NUP85: variants seen among roughly 807,000 people sequenced by gnomAD.
NUP85 encodes nuclear pore complex protein Nup85.
Under a neutral mutation model 92.8 loss-of-function variants are expected in NUP85, and 23 were observed. The observed-to-expected ratio is 0.25, with a 90% CI of 0.18 to 0.35. The LOEUF is 0.35. Ranked by LOEUF, NUP85 falls within the 10% of genes least tolerant of loss-of-function variation. The pLI is 1.00. For missense variants in NUP85, 759 were observed against 822.8 expected (o/e 0.92, Z 0.95); for synonymous variants, 314 against 306.9 (o/e 1.02, Z -0.24).
At chr17:75,235,324 A>G in intron 18 of NUP85, 123 bp downstream of exon 18, 1 of 677,102 alleles carries the variant, frequency 1.5e-6, no homozygotes, top group Non-Finnish European at 2.5e-6. Context: ...TGTTCCCCTT[A>G]ACCTGTGTAA....
At chr17:75,208,228 G>A (rs1286082182) in intron 1 of NUP85, 9 of 289,180 alleles carry the variant, frequency 3.1e-5, no homozygotes, top group Non-Finnish European at 2.5e-5. Context: ...CTGAACTCAG[G>A]AGTTTGTGAC....
At chr17:75,206,965 C>T (rs937882566) in intron 1 of NUP85, among the ~76,000 whole-genome samples, 1 of 152,114 alleles carries the variant, frequency 6.6e-6, no homozygotes, top group African/African-American at 2.4e-5. Flanking sequence ...CCTCGGCCTC[C>T]CAAAGTGCTG....
chr17:75,209,790 G>C (rs2075201689), intron 2 of NUP85, 33 bp from the exon 3 acceptor site: 3 of 1,553,726 alleles, frequency 1.9e-6, no homozygotes, highest in Non-Finnish European at 2.6e-6. Context: ...GATCATAATA[G>C]ATGTTAAATT....
intron 11 of NUP85, among the ~76,000 whole-genome samples, chr17:75,229,826 G>A (rs1251044603): frequency 6.6e-6 from 1 of 152,110 alleles, no homozygotes; most frequent in African/African-American, 2.4e-5. Context: ...CTTTCGTGCA[G>A]GCTAAGGCTT....
Position 75,234,642 on chromosome 17 carries a change from T to C in NUP85, c.1621T>C (p.Tyr541His). 6.2e-7 allele frequency: 1 copy of C among 1,614,146 alleles called. No individual in the cohort carries two copies. The highest frequency in any genetic ancestry group is 1.7e-5 in the Admixed American group (1 of 60,032). ...LSDRLTFLGK[Y>H]REFHRMYGEK... Reference sequence around the variant, plus strand: ...GTGCTCTTGTTTCGCCATAGGAAAGTATCGCGAGTTCCACCGTATGTACGG... The same window carrying C: ...GTGCTCTTGTTTCGCCATAGGAAAGCATCGCGAGTTCCACCGTATGTACGG... Residue 541 changes from tyrosine (Y) to histidine (H), a missense_variant, in exon 17 of 19, where the codon TAT (tyrosine) becomes CAT (histidine). Coordinates refer to ENST00000245544, the MANE Select transcript of NUP85 (RefSeq NM_024844.5).
intron 7 of NUP85, among the ~76,000 whole-genome samples, chr17:75,220,752 TTTTTG>T (rs199852369): frequency 0.034 from 5,179 of 151,628 alleles, 135 homozygotes; most frequent in Non-Finnish European, 0.055. Flanking sequence ...GCCCAGCTGG[TTTTTG>T]TTTTGTTTTG....
chr17:75,234,815 C>T (rs1478598672), intron 17 of NUP85, 27 bp downstream of exon 17: 1 of 1,612,944 alleles, frequency 6.2e-7, no homozygotes, highest in African/African-American at 1.3e-5. Flanking sequence ...CAGTGGTTTT[C>T]TTTGCTTGTC....
Position 75,235,151 on chromosome 17 carries a change from T to C in NUP85, c.1819T>C (p.Leu607=), listed in dbSNP as rs765208795. The change falls in exon 18 of 19, where the codon TTG becomes CTG. Residue 607 remains leucine, a synonymous_variant. Transcript: ENST00000245544. ...TYELMRCLED[L]TSRRPVHGES... Reference sequence around the variant, plus strand: ...TGAGTTGATGCGGTGTCTGGAGGACTTGACGTCAAGAAGACCTGTGCATGG... The same window carrying C: ...TGAGTTGATGCGGTGTCTGGAGGACCTGACGTCAAGAAGACCTGTGCATGG... 8 of 1,614,076 alleles carry C rather than the reference T, an allele frequency of 5.0e-6. No individual in the cohort carries two copies. Among genetic ancestry groups the C allele is most frequent in the African/African-American group, 1.3e-5 (1 of 74,948 alleles).
chr17:75,231,146 C>T lies in NUP85; in HGVS notation c.1095-194C>T, dbSNP rs937082923. On this transcript the variant is annotated intron_variant, in intron 11 of 18. Coordinates refer to ENST00000245544, the MANE Select transcript of NUP85 (RefSeq NM_024844.5). This position sits in a 1 kb window ranked among gnomAD's most constrained non-coding sequence, Gnocchi z 4.6. The stretch of plus-strand genomic sequence containing the variant: ...GTTTTGCCATGTTGCCCAGGCTGGT[C>T]TTAAATTCCTGGACTCAGGTGATCT... 9 of 600,774 alleles carry T rather than the reference C, an allele frequency of 1.5e-5. No individual in the cohort carries two copies. Among genetic ancestry groups the T allele is most frequent in the Non-Finnish European group, 2.4e-5 (8 of 335,568 alleles). 37.2% of individuals were successfully genotyped at this position (600,774 alleles called of 1,614,324 possible).
At chr17:75,222,962 G>T (rs1350923887) in intron 7 of NUP85, among the ~76,000 whole-genome samples, 1 of 147,790 alleles carries the variant, frequency 6.8e-6, no homozygotes, top group African/African-American at 2.6e-5. Context: ...GTGAACCTGG[G>T]AAGTGGAGCT....
intron 1 of NUP85, 188 bp from the exon 2 acceptor site, chr17:75,208,339 G>A (rs1012261303): frequency 6.0e-5 from 35 of 585,058 alleles, no homozygotes; most frequent in Non-Finnish European, 1.1e-4. Context: ...CAGCTACTCA[G>A]GAGGTTGAGG....
At chr17:75,213,559 G>A (rs570388417) in intron 5 of NUP85, among the ~76,000 whole-genome samples, 1 of 151,644 alleles carries the variant, frequency 6.6e-6, no homozygotes, top group East Asian at 1.9e-4. Flanking sequence ...TCCCAAAGTG[G>A]TGGGATTACA....
At chr17:75,209,269 C>T (rs190535649) in intron 2 of NUP85, among the ~76,000 whole-genome samples, 10 of 152,196 alleles carry the variant, frequency 6.6e-5, no homozygotes, top group Admixed American at 5.2e-4. Context: ...TGAGCTGAGC[C>T]GTAGCATCCA....
chr17:75,228,659 A>C (rs2075918612), intron 11 of NUP85: 1 of 985,294 alleles, frequency 1.0e-6, no homozygotes, highest in Admixed American at 6.1e-5. Flanking sequence ...TCTGGACTTG[A>C]GCCAGTGAGC....
rs200563260 is a variant in NUP85 at position 75,235,660 on chromosome 17, G to A, written c.1952G>A (p.Gly651Asp). Residue 651 changes from glycine (G) to aspartate (D), a missense_variant, in exon 19 of 19, where the codon GGC (glycine) becomes GAC (aspartate). Physicochemically the swap from Gly to Asp is moderately conservative, Grantham distance 94. Transcript: ENST00000245544. ...RNLARAIIRE[G>D]SLEGS ...CTTGCTCGGGCAATTATAAGAGAAG[G>A]CTCACTGGAAGGTTCCTGAGAACTG... is the stretch of plus-strand genomic sequence containing the variant. 1.2e-6 allele frequency: 2 copies of A among 1,613,660 alleles called. No individual in the cohort carries two copies. Among genetic ancestry groups the A allele is most frequent in the Middle Eastern group, 1.7e-4 (1 of 6,060 alleles).
chr17:75,213,064 G>C lies in NUP85; in HGVS notation c.362-12G>C, dbSNP rs746270989. On this transcript the variant is annotated splice_polypyrimidine_tract_variant and intron_variant, in intron 4 of 18. Coordinates refer to ENST00000245544, the MANE Select transcript of NUP85 (RefSeq NM_024844.5). ...TTCCATTGCTCACTTAAAATGTTTTGTGTTTTGTTAGTTGCTGCTAAAGAT... is the reference window on the plus strand; with the variant it reads ...TTCCATTGCTCACTTAAAATGTTTTCTGTTTTGTTAGTTGCTGCTAAAGAT... 2.5e-6 allele frequency: 4 copies of C among 1,611,280 alleles called. No homozygotes were observed. The highest frequency in any genetic ancestry group is 3.4e-6 in the Non-Finnish European group (4 of 1,178,780).
At chr17:75,224,781 G>A (rs561823207) in intron 7 of NUP85, among the ~76,000 whole-genome samples, 12 of 149,140 alleles carry the variant, frequency 8.0e-5, no homozygotes, top group South Asian at 4.2e-4. Context: ...GCAGTGAGCC[G>A]AGATTATGCC....
rs1376115347 is a variant in NUP85, at chr17:75,235,677, T to C, written c.1969T>C (p.Ter657ArgextTer14). Reference protein sequence around the residue: ...IIREGSLEGS* With the variant: ...IIREGSLEGSR ...AAGAGAAGGCTCACTGGAAGGTTCC[T>C]GAGAACTGCTTCAATGTGGTATCTT... Residue 657 changes from the stop codon to arginine, a stop_lost, in exon 19 of 19, where the codon TGA becomes CGA. Transcript: ENST00000245544. 5.0e-6 allele frequency: 8 copies of C among 1,606,542 alleles called. No homozygotes were observed. The highest frequency in any genetic ancestry group is 1.7e-5 in the Admixed American group (1 of 59,988).
chr17:75,231,528 C>G lies in NUP85; in HGVS notation c.1179-45C>G, dbSNP rs1279574723. 1.2e-6 allele frequency: 2 copies of G among 1,611,998 alleles called. No homozygotes were observed. The highest frequency in any genetic ancestry group is 1.7e-6 in the Non-Finnish European group (2 of 1,178,010). On this transcript the variant is annotated intron_variant, in intron 12 of 18. Transcript: ENST00000245544. This position sits in a 1 kb window ranked among gnomAD's most constrained non-coding sequence, Gnocchi z 4.6. ...GAGGTTGGGCTAAGGGGGCCCTGAA[C>G]AGGGCAGGCCAGGAGTCTTGGTCTT...
Sources: allele counts gnomAD v4.1 joint callset (sites outside exome capture counted in the v4.1 genomes callset), GRCh38; gene constraint gnomAD v4.1.1; non-coding constraint Gnocchi (gnomAD v3.1); transcripts MANE v1.5; gene names NCBI Gene and HGNC (gene_info 2026-07-23, HGNC 2026-07-21).